The following UMAD1 variants were observed in gnomAD, a reference collection of about 807,000 sequenced individuals.
The protein encoded by UMAD1 is UBAP1-MVB12-associated (UMA)-domain containing protein 1.
In UMAD1, 8 loss-of-function variants were observed where a neutral mutation model predicts 6.1. The observed-to-expected ratio is 1.30, with a 90% confidence interval of 0.76 to 2.35. The LOEUF is 2.35. UMAD1 is among the 30% of genes most tolerant of loss of function. The pLI is 0.00. For synonymous variants in UMAD1, 56 were observed against 31.4 expected, an observed-to-expected ratio of 1.78 and a Z score of -2.61; for missense variants, 130 against 78.4, an observed-to-expected ratio of 1.66 and a Z score of -2.49.
At chr7:7,727,699 A>C (rs1336162934) in intron 2 of UMAD1, among the ~76,000 whole-genome samples, 3 of 152,214 alleles carry the variant, frequency 2.0e-5, no homozygotes, top group Non-Finnish European at 4.4e-5. Context: ...GAAAACGTGA[A>C]AAGGCTAGAC....
chr7:7,837,443 C>T (rs1454655131), intron 3 of UMAD1, among the ~76,000 whole-genome samples: 1 of 152,064 alleles, frequency 6.6e-6, no homozygotes, highest in Non-Finnish European at 1.5e-5. Flanking sequence ...AATGTAATGG[C>T]TTATAGCCAA....
At chr7:7,760,184 G>T (rs1316415676) in intron 2 of UMAD1, among the ~76,000 whole-genome samples, 2 of 151,994 alleles carry the variant, frequency 1.3e-5, no homozygotes, top group Non-Finnish European at 2.9e-5. Context: ...GACGTTCCCA[G>T]CTGAACCCAA....
At chr7:7,690,870 T>C (rs1486412992) in intron 2 of UMAD1, among the ~76,000 whole-genome samples, 5 of 152,228 alleles carry the variant, frequency 3.3e-5, no homozygotes, top group African/African-American at 1.2e-4. Context: ...AATTCAATTA[T>C]GACTTATACC....
chr7:7,714,445 A>C (rs1780841375), intron 2 of UMAD1, among the ~76,000 whole-genome samples: 1 of 152,256 alleles, frequency 6.6e-6, no homozygotes, highest in Non-Finnish European at 1.5e-5. Flanking sequence ...AAACATGAAT[A>C]AAGAGGGAGT....
At chr7:7,848,411 T>C (rs1445851866) in intron 3 of UMAD1, among the ~76,000 whole-genome samples, 1 of 152,142 alleles carries the variant, frequency 6.6e-6, no homozygotes, top group Non-Finnish European at 1.5e-5. Flanking sequence ...CTGCAGGAAG[T>C]CTTCACTTTC....
chr7:7,784,688 C>G (rs145833742), intron 2 of UMAD1, among the ~76,000 whole-genome samples: 3,302 of 149,904 alleles, frequency 0.022, 40 homozygotes, highest in Non-Finnish European at 0.033. Flanking sequence ...AGAAAATAAA[C>G]AAGACCAACC....
chr7:7,758,942 T>A (rs1781832086), intron 2 of UMAD1, among the ~76,000 whole-genome samples: 1 of 152,194 alleles, frequency 6.6e-6, no homozygotes. Flanking sequence ...TTTGTTGTGT[T>A]TGTTTTTATA....
intron 2 of UMAD1, among the ~76,000 whole-genome samples, chr7:7,750,283 G>A (rs1465871335): frequency 2.6e-5 from 4 of 152,114 alleles, no homozygotes; most frequent in African/African-American, 9.7e-5. Context: ...AAACTGCCCA[G>A]CTAGAGTCCA....
intron 2 of UMAD1, among the ~76,000 whole-genome samples, chr7:7,724,582 C>G (rs1429929989): frequency 6.6e-6 from 1 of 152,186 alleles, no homozygotes; most frequent in Non-Finnish European, 1.5e-5. Context: ...TTGAAAGATG[C>G]AGGGGTGGTG....
At chr7:7,669,455 G>A (rs1779551168) in intron 1 of UMAD1, among the ~76,000 whole-genome samples, 1 of 152,182 alleles carries the variant, frequency 6.6e-6, no homozygotes, top group Non-Finnish European at 1.5e-5. Context: ...ACCACTGTGT[G>A]TTTTTGAGTG....
chr7:7,703,460 CTA>C (rs1370566532), intron 2 of UMAD1, among the ~76,000 whole-genome samples: 1 of 152,042 alleles, frequency 6.6e-6, no homozygotes, highest in African/African-American at 2.4e-5. Flanking sequence ...AAAAAGAAAA[CTA>C]AATTTTATTC....
At chr7:7,662,118 A>T (rs1785489288) in intron 1 of UMAD1, among the ~76,000 whole-genome samples, 1 of 152,114 alleles carries the variant, frequency 6.6e-6, no homozygotes, top group Non-Finnish European at 1.5e-5. Flanking sequence ...GTGAGGGGAA[A>T]ACGGCCCACT....
At chr7:7,757,298 A>G (rs1183825994) in intron 2 of UMAD1, among the ~76,000 whole-genome samples, 2 of 152,236 alleles carry the variant, frequency 1.3e-5, no homozygotes, top group African/African-American at 4.8e-5. Context: ...AAATTATTCC[A>G]GATGGCTTTC....
At chr7:7,646,676 G>T (rs1477302571) in intron 1 of UMAD1, among the ~76,000 whole-genome samples, 1 of 151,856 alleles carries the variant, frequency 6.6e-6, no homozygotes, top group Non-Finnish European at 1.5e-5. Context: ...TACAGATGGG[G>T]AGCTGGAGAG....
intron 2 of UMAD1, among the ~76,000 whole-genome samples, chr7:7,724,125 C>T (rs1173451506): frequency 6.6e-6 from 1 of 152,090 alleles, no homozygotes; most frequent in Non-Finnish European, 1.5e-5. Flanking sequence ...CCCATCCTCC[C>T]CCAAGGAGAC....
At chr7:7,773,746 T>C (rs1043227797) in intron 2 of UMAD1, among the ~76,000 whole-genome samples, 10 of 152,176 alleles carry the variant, frequency 6.6e-5, no homozygotes, top group Admixed American at 2.0e-4. Context: ...CATTTTTATA[T>C]GTTGATTTTC....
At chr7:7,805,561 C>A (rs1782896475) in intron 3 of UMAD1, among the ~76,000 whole-genome samples, 1 of 152,140 alleles carries the variant, frequency 6.6e-6, no homozygotes, top group African/African-American at 2.4e-5. Context: ...TATGTCAGAT[C>A]ACATCACTCC....
At chr7:7,810,645 T>C (rs761167377) in intron 3 of UMAD1, among the ~76,000 whole-genome samples, 5 of 152,182 alleles carry the variant, frequency 3.3e-5, no homozygotes, top group Admixed American at 6.5e-5. Context: ...ATAGGTTAAA[T>C]CATTCTTTCC....
chr7:7,694,575 C>G (rs1395584613), intron 2 of UMAD1, among the ~76,000 whole-genome samples: 2 of 151,682 alleles, frequency 1.3e-5, no homozygotes, highest in Admixed American at 6.6e-5. Flanking sequence ...TCATTCTACT[C>G]TCTATCTCTC....
Sources: gnomAD v4.1 joint callset for allele counts (sites outside exome capture counted in the v4.1 genomes callset) on GRCh38, gnomAD v4.1.1 for gene constraint, MANE v1.5 for transcripts, NCBI Gene and HGNC (gene_info 2026-07-23, HGNC 2026-07-21) for gene names.